AFDN: variants seen among roughly 807,000 people sequenced by gnomAD.
AFDN encodes afadin, adherens junction formation factor.
AFDN carries 68 observed loss-of-function variants against 216.6 expected under a neutral mutation model. The observed-to-expected ratio is 0.31, with a 90% CI of 0.26 to 0.38. AFDN has a LOEUF of 0.38. Ranked by LOEUF, AFDN falls within the 10% of genes least tolerant of loss-of-function variation. The pLI is 1.00. For synonymous variants in AFDN, 868 were observed against 853.7 expected, an observed-to-expected ratio of 1.02 and a Z score of -0.29; for missense variants, 2,136 against 2,342.0, an observed-to-expected ratio of 0.91 and a Z score of 1.82.
intron 6 of AFDN, among the ~76,000 whole-genome samples, chr6:167,884,461 C>CT (rs1786527359): frequency 6.6e-6 from 1 of 152,164 alleles, no homozygotes; most frequent in African/African-American, 2.4e-5. Context: ...AAAATCACTC[C>CT]TTGTTCCATG....
chr6:167,932,114 G>T (rs1343982941), intron 23 of AFDN, among the ~76,000 whole-genome samples: 1 of 152,132 alleles, frequency 6.6e-6, no homozygotes. Flanking sequence ...TTCTGCAGAG[G>T]AACCTATAGA....
intron 21 of AFDN, 127 bp downstream of exon 21, chr6:167,919,060 G>A (rs926235712): frequency 6.6e-6 from 5 of 752,090 alleles, no homozygotes; most frequent in South Asian, 3.3e-5. Flanking sequence ...GGAGAAGTCC[G>A]TGTTCCACTG....
chr6:167,826,803 G>A (rs1160570761), upstream of AFDN: 4 of 149,056 alleles, frequency 2.7e-5, no homozygotes, highest in Admixed American at 6.6e-5. Flanking sequence ...GAGCGGCCCG[G>A]AGGTGCGGCG....
Position 167,970,149 on chromosome 6 carries a change from GT to G in AFDN, c.*215del. On this transcript the variant is annotated 3_prime_UTR_variant, in exon 34 of 34. Coordinates refer to ENST00000683244, the MANE Select transcript of AFDN (RefSeq NM_001386888.1). ...TTGCCATTTATGTAATTTAAACACT[GT>G]CTAGTTTCTTAATTATCTAACTCAC... The G allele has an allele frequency of 2.0e-6, 1 of 491,634 alleles. No individual in the cohort carries two copies. The highest frequency in any genetic ancestry group is 3.5e-6 in the Non-Finnish European group (1 of 286,606). 30.5% of individuals were successfully genotyped at this position (491,634 alleles called of 1,614,324 possible). A position where few individuals can be genotyped will look rare whatever the true frequency, so the allele number is the denominator to read the frequency against.
Position 167,946,795 on chromosome 6 carries a change from G to A in AFDN, c.3447G>A (p.Glu1149=). The change falls in exon 27 of 34, where the codon GAG becomes GAA. Residue 1149 remains glutamate (E), a synonymous_variant. Transcript: ENST00000683244. The part of the protein sequence containing the change: ...YNNSTQNGSP[E]SPQLPWAEYS... ...ATTCAACTCAAAATGGGTCTCCTGA[G>A]AGTCCTCAGCTGCCTTGGGCAGAAT... is the stretch of plus-strand genomic sequence containing the variant. 2.5e-6 allele frequency: 4 copies of A among 1,613,850 alleles called. No individual in the cohort carries two copies. The highest frequency in any genetic ancestry group is 1.1e-5 in the South Asian group (1 of 90,954).
chr6:167,950,854 C>CTT (rs562302204), intron 29 of AFDN, among the ~76,000 whole-genome samples: 22 of 127,374 alleles, frequency 1.7e-4, no homozygotes, highest in South Asian at 5.1e-4. Context: ...TGCTTTTTTG[C>CTT]TTTTTTTTTT....
intron 1 of AFDN, among the ~76,000 whole-genome samples, chr6:167,847,886 A>G (rs1781877226): frequency 6.6e-6 from 1 of 152,034 alleles, no homozygotes; most frequent in Admixed American, 6.5e-5. Flanking sequence ...CACTCAGTGT[A>G]CCTTGACCTA....
intron 31 of AFDN, chr6:167,963,314 G>A: frequency 1.9e-6 from 2 of 1,062,208 alleles, no homozygotes; most frequent in South Asian, 4.6e-5. Flanking sequence ...TCATCCCGAG[G>A]GGACTGCGTG....
Position 167,898,249 on chromosome 6 carries a change from C to G in AFDN, c.1362C>G (p.Asn454Lys). ...GIQPHHCDLT[N>K]MDGVVTVTPR... ...AGCCCCATCACTGTGACCTTACCAA[C>G]ATGGATGGAGTGGTCACTGTGACGC... is the stretch of plus-strand genomic sequence containing the variant. The change falls in exon 11 of 34, where the codon AAC (asparagine) becomes AAG (lysine). Residue 454 changes from asparagine to lysine, a missense_variant. Asn to Lys is a moderately conservative substitution (Grantham distance 94). This residue lies in a region of AFDN where 817 missense variants were observed against 965.7 expected (regional missense o/e 0.85). Coordinates refer to ENST00000683244, the MANE Select transcript of AFDN (RefSeq NM_001386888.1). The G allele has an allele frequency of 6.2e-7, 1 of 1,614,154 alleles. No homozygotes were observed. Among genetic ancestry groups the G allele is most frequent in the South Asian group, 1.1e-5 (1 of 91,086 alleles).
intron 5 of AFDN, among the ~76,000 whole-genome samples, chr6:167,877,346 G>A (rs1186711273): frequency 2.0e-5 from 3 of 152,280 alleles, no homozygotes; most frequent in East Asian, 1.9e-4. Flanking sequence ...GGCACATGGC[G>A]ATTAGGGTTT....
At chr6:167,955,526 T>C (rs1012421707) in intron 30 of AFDN, among the ~76,000 whole-genome samples, 14 of 152,156 alleles carry the variant, frequency 9.2e-5, no homozygotes, top group East Asian at 1.9e-4. Flanking sequence ...GTGTGAGATA[T>C]TCATTCAGCA....
rs578111857 is a variant in AFDN, at chr6:167,970,291, G to A, written c.*356G>A. On this transcript the variant is annotated 3_prime_UTR_variant, in exon 34 of 34. Transcript: ENST00000683244. ...TCTCTCCCATCTTCCCCTCATCATCGACCGAGGAGCACAAAGAAGTTCTGT... is the reference window on the plus strand; with the variant it reads ...TCTCTCCCATCTTCCCCTCATCATCAACCGAGGAGCACAAAGAAGTTCTGT... The A allele has an allele frequency of 1.8e-5, 5 of 274,074 alleles. No individual in the cohort carries two copies. Among genetic ancestry groups the A allele is most frequent in the Non-Finnish European group, 3.4e-5 (5 of 146,764 alleles). The allele number at this position is 274,074 out of a possible 1,614,324, so 17.0% of individuals were successfully genotyped here. A position where few individuals can be genotyped will look rare whatever the true frequency, so the allele number is the denominator to read the frequency against.
intron 11 of AFDN, among the ~76,000 whole-genome samples, chr6:167,901,159 C>T (rs1444018261): frequency 6.6e-6 from 1 of 152,144 alleles, no homozygotes; most frequent in African/African-American, 2.4e-5. Flanking sequence ...TTCCCATTAC[C>T]ATGCTGCTTT....
At chr6:167,835,383 A>T (rs1780309307) in intron 1 of AFDN, among the ~76,000 whole-genome samples, 1 of 152,240 alleles carries the variant, frequency 6.6e-6, no homozygotes, top group Admixed American at 6.5e-5. Context: ...AAGTAAAAAA[A>T]TGGTGTTCCA....
At chr6:167,934,154 A>G (rs145090814) in intron 23 of AFDN, among the ~76,000 whole-genome samples, 1 of 152,346 alleles carries the variant, frequency 6.6e-6, no homozygotes, top group East Asian at 1.9e-4. Context: ...GGCTTCCTGC[A>G]TCCCATCTGT....
intron 1 of AFDN, among the ~76,000 whole-genome samples, chr6:167,859,434 T>A (rs1783286568): frequency 6.6e-6 from 1 of 152,208 alleles, no homozygotes; most frequent in South Asian, 2.1e-4. Flanking sequence ...AAGTGGACAG[T>A]CCGTCAGTTT....
intron 23 of AFDN, among the ~76,000 whole-genome samples, chr6:167,933,187 A>T (rs928718277): frequency 6.6e-6 from 1 of 152,232 alleles, no homozygotes; most frequent in African/African-American, 2.4e-5. Context: ...GAACATAAAA[A>T]TGACACTTTT....
chr6:167,857,204 AAG>A (rs1391005400), intron 1 of AFDN, among the ~76,000 whole-genome samples: 2 of 150,686 alleles, frequency 1.3e-5, no homozygotes, highest in Non-Finnish European at 3.0e-5. Flanking sequence ...TTTCCTGTGA[AAG>A]AGAGAGCGAG....
chr6:167,924,035 C>G (rs1189067180), intron 22 of AFDN, among the ~76,000 whole-genome samples: 2 of 152,064 alleles, frequency 1.3e-5, no homozygotes, highest in African/African-American at 4.8e-5. Context: ...TAGGTAGATT[C>G]ACTCATTCCT....
Sources: gnomAD v4.1 joint callset for allele counts (sites outside exome capture counted in the v4.1 genomes callset) on GRCh38, gnomAD v4.1.1 for gene constraint, gnomAD v4.1.1 regional missense constraint, MANE v1.5 for transcripts, NCBI Gene and HGNC (gene_info 2026-07-23, HGNC 2026-07-21) for gene names.